Variants in TOGARAM2 observed in about 807,000 individuals in gnomAD.
TOGARAM2 encodes the protein TOG array regulator of axonemal microtubules 2.
TOGARAM2 carries 85 observed loss-of-function variants against 93.3 expected under a neutral mutation model. The ratio of observed to expected loss-of-function variants is 0.91; its 90% CI spans 0.76 to 1.09. The LOEUF (loss-of-function observed/expected upper bound fraction) is 1.09, where lower values mean the gene tolerates loss of function less well. Ranked by LOEUF, TOGARAM2 falls within the 50% of genes least tolerant of loss-of-function variation. TOGARAM2 has a pLI of 0.00. For synonymous variants in TOGARAM2, 593 were observed against 552.8 expected, an observed-to-expected ratio of 1.07 and a Z score of -1.02; for missense variants, 1,277 against 1,334.5, an observed-to-expected ratio of 0.96 and a Z score of 0.67.
intron 4 of TOGARAM2, among the ~76,000 whole-genome samples, chr2:29,001,874 C>G (rs1317873182): frequency 6.7e-6 from 1 of 150,076 alleles, no homozygotes; most frequent in Non-Finnish European, 1.5e-5. Context: ...TTTTTTTATT[C>G]CTCATCACTG....
chr2:29,010,877 C>T (rs1319904130), intron 6 of TOGARAM2, among the ~76,000 whole-genome samples: 2 of 152,134 alleles, frequency 1.3e-5, no homozygotes, highest in East Asian at 3.8e-4. Flanking sequence ...CCAGGGATGC[C>T]ACTGTCTTCC....
At chr2:28,960,222 C>T (rs546618751) in intron 1 of TOGARAM2, among the ~76,000 whole-genome samples, 118 of 152,308 alleles carry the variant, frequency 7.7e-4, no homozygotes, top group Admixed American at 2.1e-3. Context: ...AGAAAGTAAA[C>T]TGAAGGCATC....
intron 2 of TOGARAM2, 72 bp downstream of exon 2, chr2:28,994,934 G>A (rs1672920512): frequency 1.3e-6 from 2 of 1,531,376 alleles, no homozygotes; most frequent in African/African-American, 2.8e-5. Flanking sequence ...CACTCCCAAG[G>A]GCCAGAAAAA....
intron 6 of TOGARAM2, among the ~76,000 whole-genome samples, chr2:29,010,181 G>A (rs1653975939): frequency 6.6e-6 from 1 of 152,094 alleles, no homozygotes; most frequent in African/African-American, 2.4e-5. Context: ...TGAGCTCATA[G>A]AAGCCAAGGG....
At chr2:29,021,990 G>C (rs1002492314) in intron 10 of TOGARAM2, among the ~76,000 whole-genome samples, 168 bp from the exon 11 acceptor site, 3 of 152,176 alleles carry the variant, frequency 2.0e-5, no homozygotes, top group African/African-American at 7.2e-5. Context: ...GGGAGGCCCA[G>C]GCGCTGGGTT....
At chr2:29,015,482 AG>A (rs1475053302) in intron 8 of TOGARAM2, among the ~76,000 whole-genome samples, 1 of 152,210 alleles carries the variant, frequency 6.6e-6, no homozygotes, top group East Asian at 1.9e-4. Context: ...TCCTTGAAAC[AG>A]GATCATTGCT....
At chr2:29,025,179 T>C (rs1665270272) in intron 13 of TOGARAM2, among the ~76,000 whole-genome samples, 1 of 152,132 alleles carries the variant, frequency 6.6e-6, no homozygotes, top group South Asian at 2.1e-4. Flanking sequence ...CCCAGCCACA[T>C]TGCCTGGGTT....
chr2:29,031,861 T>G (rs756173212), intron 14 of TOGARAM2, among the ~76,000 whole-genome samples: 2 of 152,242 alleles, frequency 1.3e-5, no homozygotes, highest in Admixed American at 1.3e-4. Context: ...GGGCACCTTT[T>G]ACAATTAATG....
intron 19 of TOGARAM2, chr2:29,049,300 C>G (rs1212214787): frequency 6.6e-6 from 1 of 152,268 alleles, no homozygotes. Flanking sequence ...AGCACCTGGC[C>G]AGAATTCCCT....
chr2:28,999,628 G>C (rs1171293729), intron 4 of TOGARAM2, among the ~76,000 whole-genome samples, 160 bp downstream of exon 4: 1 of 152,152 alleles, frequency 6.6e-6, no homozygotes, highest in Non-Finnish European at 1.5e-5. Context: ...TGGCTTCAGC[G>C]ACCTCCTTGG....
chr2:29,033,240 C>T (rs1665884637), intron 15 of TOGARAM2, among the ~76,000 whole-genome samples, 189 bp downstream of exon 15: 1 of 152,192 alleles, frequency 6.6e-6, no homozygotes, highest in Non-Finnish European at 1.5e-5. Context: ...TCTAACCTCA[C>T]ACTACCCATG....
intron 6 of TOGARAM2, among the ~76,000 whole-genome samples, chr2:29,004,912 GC>G (rs57906755): frequency 0.64 from 63,871 of 99,084 alleles, 22,078 homozygotes; most frequent in Non-Finnish European, 0.78. Flanking sequence ...GCATGTGTGT[GC>G]ATGTGTACGT....
intron 1 of TOGARAM2, among the ~76,000 whole-genome samples, chr2:28,960,484 C>T (rs776789897): frequency 6.6e-6 from 1 of 152,120 alleles, no homozygotes; most frequent in Non-Finnish European, 1.5e-5. Flanking sequence ...GGATCCAATC[C>T]ACACTCACTC....
intron 1 of TOGARAM2, among the ~76,000 whole-genome samples, chr2:28,994,013 C>T (rs1344761025): frequency 6.6e-6 from 1 of 152,184 alleles, no homozygotes; most frequent in Non-Finnish European, 1.5e-5. Flanking sequence ...CAGGGGAAAA[C>T]GGGTCACCAT....
intron 18 of TOGARAM2, among the ~76,000 whole-genome samples, chr2:29,040,554 G>C (rs1217493162): frequency 6.6e-6 from 1 of 152,182 alleles, no homozygotes; most frequent in Non-Finnish European, 1.5e-5. Flanking sequence ...TTCTGAGCTA[G>C]GGTATCTGGG....
chr2:29,040,883 C>T (rs777817535), intron 18 of TOGARAM2, among the ~76,000 whole-genome samples: 2 of 152,060 alleles, frequency 1.3e-5, no homozygotes, highest in Non-Finnish European at 2.9e-5. Flanking sequence ...CTTTTTTGGC[C>T]TCTTGAACCA....
intron 1 of TOGARAM2, among the ~76,000 whole-genome samples, chr2:28,959,230 A>T (rs1345260796): frequency 6.6e-6 from 1 of 152,196 alleles, no homozygotes; most frequent in Admixed American, 6.5e-5. Flanking sequence ...TGCTGAGCAT[A>T]GGAAGCTTGA....
At position 29,020,839 on chromosome 2, in the gene TOGARAM2, C is replaced by A. The variant is rs997421658; in HGVS notation, c.1361-1319C>A. 2.0e-5 allele frequency among the ~76,000 whole-genome samples: 3 copies of A among 152,328 alleles called. No homozygotes were observed. In the South Asian group the frequency reaches 6.2e-4, roughly 32 times the overall value. ...GTGACTGAAATAACTGATTAAGAGA[C>A]TGTTCCACCTGCCAAGGGCAGTGCT... is the stretch of plus-strand genomic sequence containing the variant. On this transcript the variant is annotated intron_variant, in intron 10 of 19. Transcript: ENST00000379558.
At chr2:28,984,387 G>A (rs999969684) in intron 1 of TOGARAM2, among the ~76,000 whole-genome samples, 28 of 152,196 alleles carry the variant, frequency 1.8e-4, no homozygotes, top group Non-Finnish European at 2.4e-4. Flanking sequence ...CAGGGCCGGG[G>A]TCTGAAGTCT....
Sources: allele counts gnomAD v4.1 joint callset (sites outside exome capture counted in the v4.1 genomes callset), GRCh38; gene constraint gnomAD v4.1.1; transcripts MANE v1.5; gene names NCBI Gene and HGNC (gene_info 2026-07-23, HGNC 2026-07-21).